Variants in BRINP1 observed in about 807,000 individuals in gnomAD.
BRINP1 encodes the protein BMP/retinoic acid-inducible neural-specific protein 1.
A neutral mutation model predicts 72.9 loss-of-function variants in BRINP1; 17 were observed. That is an observed-to-expected ratio of 0.23 (90% confidence interval 0.16 to 0.35). BRINP1 has a LOEUF of 0.35. Ranked by LOEUF, BRINP1 falls within the 10% of genes least tolerant of loss-of-function variation. BRINP1 has a pLI of 1.00. For missense variants in BRINP1, 850 were observed against 1,001.6 expected (o/e 0.85, Z 2.04); for synonymous variants, 418 against 378.5 (o/e 1.10, Z -1.21).
At chr9:119,190,942 C>T (rs1023241139) in intron 7 of BRINP1, among the ~76,000 whole-genome samples, 10 of 151,610 alleles carry the variant, frequency 6.6e-5, no homozygotes, top group African/African-American at 2.4e-4. Flanking sequence ...ACATCTAAAC[C>T]AAGTGGAATT....
chr9:119,286,278 G>A (rs1046146610), intron 2 of BRINP1, among the ~76,000 whole-genome samples: 1 of 151,886 alleles, frequency 6.6e-6, no homozygotes, highest in Non-Finnish European at 1.5e-5. Context: ...TGTCGCCAGG[G>A]CTGGAGTGCA....
chr9:119,319,224 T>C (rs535066372), intron 1 of BRINP1, among the ~76,000 whole-genome samples: 1 of 152,284 alleles, frequency 6.6e-6, no homozygotes, highest in Admixed American at 6.5e-5. Context: ...AGAGTTCTTC[T>C]CATTCTGCCA....
chr9:119,253,479 T>C (rs1830414169), intron 2 of BRINP1, among the ~76,000 whole-genome samples: 1 of 152,154 alleles, frequency 6.6e-6, no homozygotes, highest in South Asian at 2.1e-4. Flanking sequence ...TTGGAGGCCA[T>C]TTTGTTAAGT....
At chr9:119,206,637 C>A (rs1423083191) in intron 7 of BRINP1, among the ~76,000 whole-genome samples, 1 of 152,076 alleles carries the variant, frequency 6.6e-6, no homozygotes, top group Non-Finnish European at 1.5e-5. Flanking sequence ...GCAACTGAGT[C>A]CATGGTACTT....
intron 1 of BRINP1, among the ~76,000 whole-genome samples, chr9:119,360,855 C>T (rs746069326): frequency 6.6e-6 from 1 of 152,136 alleles, no homozygotes; most frequent in African/African-American, 2.4e-5. Context: ...TTCACATAGG[C>T]CATTTGCTAA....
At chr9:119,230,030 A>G (rs75750890) in intron 5 of BRINP1, among the ~76,000 whole-genome samples, 17 of 152,126 alleles carry the variant, frequency 1.1e-4, no homozygotes, top group African/African-American at 4.1e-4. Context: ...AGTTGTGCAG[A>G]CCATCTAATG....
intron 7 of BRINP1, among the ~76,000 whole-genome samples, chr9:119,176,741 G>A (rs1829494380): frequency 6.6e-6 from 1 of 152,138 alleles, no homozygotes; most frequent in African/African-American, 2.4e-5. Flanking sequence ...TTCCTTTGAA[G>A]GTATTGAGAC....
chr9:119,277,640 A>G (rs755011656), intron 2 of BRINP1, among the ~76,000 whole-genome samples: 2 of 152,234 alleles, frequency 1.3e-5, no homozygotes, highest in Non-Finnish European at 2.9e-5. Context: ...GCCCCGATTA[A>G]GTAGTGCAGA....
intron 5 of BRINP1, among the ~76,000 whole-genome samples, chr9:119,214,360 G>A (rs898545603): frequency 1.3e-5 from 2 of 152,068 alleles, no homozygotes; most frequent in Non-Finnish European, 2.9e-5. Flanking sequence ...AAACTTCTCA[G>A]GTCATGACTT....
chr9:119,181,824 T>C (rs1427262511), intron 7 of BRINP1, among the ~76,000 whole-genome samples: 2 of 152,240 alleles, frequency 1.3e-5, no homozygotes, highest in Non-Finnish European at 2.9e-5. Context: ...GTCATAGCTC[T>C]GCTACTCATT....
intron 7 of BRINP1, among the ~76,000 whole-genome samples, chr9:119,194,034 T>C (rs958076132): frequency 1.3e-5 from 2 of 152,202 alleles, no homozygotes; most frequent in Admixed American, 1.3e-4. Flanking sequence ...AAGGAAGAAC[T>C]GCCCAGCTGA....
chr9:119,272,103 A>C (rs940311710), intron 2 of BRINP1, among the ~76,000 whole-genome samples: 1 of 151,602 alleles, frequency 6.6e-6, no homozygotes, highest in Non-Finnish European at 1.5e-5. Context: ...AAAAAAAAAA[A>C]AAAAACAGCC....
chr9:119,343,260 G>A (rs909843976), intron 1 of BRINP1, among the ~76,000 whole-genome samples: 1 of 152,128 alleles, frequency 6.6e-6, no homozygotes, highest in South Asian at 2.1e-4. Flanking sequence ...CACTGCCTAC[G>A]GGGAATGAGA....
chr9:119,349,136 GA>G (rs892135926), intron 1 of BRINP1, among the ~76,000 whole-genome samples: 1 of 152,028 alleles, frequency 6.6e-6, no homozygotes, highest in African/African-American at 2.4e-5. Flanking sequence ...CAGTTTATTA[GA>G]AAAACCCCCG....
At position 119,166,797 on chromosome 9, in the gene BRINP1, C is replaced by G. The variant is rs1829317652; in HGVS notation, c.*287G>C. The G allele has an allele frequency of 2.5e-5, 8 of 324,140 alleles. No homozygotes were observed. The Admixed American group carries it at 3.8e-4, about 15-fold the overall frequency. 20.1% of individuals were successfully genotyped at this position (324,140 alleles called of 1,614,324 possible). A position where few individuals can be genotyped will look rare whatever the true frequency, so the allele number is the denominator to read the frequency against. On this transcript the variant is annotated 3_prime_UTR_variant, in exon 8 of 8. Coordinates refer to ENST00000265922, the MANE Select transcript of BRINP1 (RefSeq NM_014618.3). ...ATTCATTGCATATGCTTTCTCCCTT[C>G]TCCCCCAATACAGCACCTGAGGCCT...
chr9:119,335,721 A>T (rs1239887207), intron 1 of BRINP1, among the ~76,000 whole-genome samples: 3 of 152,178 alleles, frequency 2.0e-5, no homozygotes, highest in Non-Finnish European at 4.4e-5. Flanking sequence ...TACTTAATGG[A>T]CACCTTTCAA....
At chr9:119,356,157 G>A (rs1276950143) in intron 1 of BRINP1, among the ~76,000 whole-genome samples, 1 of 152,018 alleles carries the variant, frequency 6.6e-6, no homozygotes, top group Non-Finnish European at 1.5e-5. Flanking sequence ...TCTCAAAAAT[G>A]TTATGCTTGC....
chr9:119,191,148 G>C lies in BRINP1; in HGVS notation c.1145+17571C>G, dbSNP rs558496276. Among the ~76,000 whole-genome samples the C allele has an allele frequency of 1.2e-3, 184 of 151,846 alleles. 1 individual carries two copies. The highest frequency in any genetic ancestry group is 2.2e-3 in the Non-Finnish European group (150 of 67,764). ...TAAAAGTTTGTCAATATAATAAAGGGTATTTATGAAAAACCCACAGCTAAC... is the reference window on the plus strand; with the variant it reads ...TAAAAGTTTGTCAATATAATAAAGGCTATTTATGAAAAACCCACAGCTAAC... On this transcript the variant is annotated intron_variant, in intron 7 of 7. Transcript: ENST00000265922.
intron 2 of BRINP1, 30 bp downstream of exon 2, chr9:119,313,108 A>G (rs1358059051): frequency 1.9e-6 from 3 of 1,604,814 alleles, no homozygotes; most frequent in African/African-American, 2.7e-5. Context: ...ATATGAATGT[A>G]AGGCAAGGGC....
Sources: allele counts gnomAD v4.1 joint callset (sites outside exome capture counted in the v4.1 genomes callset), GRCh38; gene constraint gnomAD v4.1.1; transcripts MANE v1.5; gene names NCBI Gene and HGNC (gene_info 2026-07-23, HGNC 2026-07-21).